The following KIAA0825 variants were observed in gnomAD, a reference collection of about 807,000 sequenced individuals.
KIAA0825 encodes uncharacterized protein KIAA0825.
Under a neutral mutation model 147.6 loss-of-function variants are expected in KIAA0825, and 119 were observed. The ratio of observed to expected loss-of-function variants is 0.81; its 90% CI spans 0.69 to 0.94. KIAA0825 has a LOEUF of 0.94. KIAA0825 is among the 40% of genes least tolerant of loss of function. The pLI is 0.00. For synonymous variants in KIAA0825, 470 were observed against 518.1 expected (o/e 0.91, Z 1.26); for missense variants, 1,381 against 1,472.7 (o/e 0.94, Z 1.02).
At chr5:94,269,860 A>T (rs954529767) in intron 20 of KIAA0825, among the ~76,000 whole-genome samples, 2 of 152,012 alleles carry the variant, frequency 1.3e-5, no homozygotes, top group African/African-American at 4.8e-5. Context: ...ATCAACAAAA[A>T]CTTGCTTTTT....
intron 20 of KIAA0825, among the ~76,000 whole-genome samples, chr5:94,281,296 T>TA (rs1451811300): frequency 6.6e-6 from 1 of 151,162 alleles, no homozygotes; most frequent in Non-Finnish European, 1.5e-5. Flanking sequence ...AGTATAGACA[T>TA]AAATAAGAAA....
At chr5:94,225,475 C>T (rs560696141) in intron 20 of KIAA0825, among the ~76,000 whole-genome samples, 17 of 152,238 alleles carry the variant, frequency 1.1e-4, no homozygotes, top group African/African-American at 2.2e-4. Context: ...CTAACGCCAA[C>T]GTAATGGTTA....
At chr5:94,323,216 T>TA (rs1203314230) in intron 20 of KIAA0825, among the ~76,000 whole-genome samples, 4 of 152,002 alleles carry the variant, frequency 2.6e-5, no homozygotes, top group African/African-American at 9.7e-5. Flanking sequence ...CAAATCATGA[T>TA]GCCATCTGGT....
chr5:94,346,444 C>A (rs1345965770), intron 20 of KIAA0825, among the ~76,000 whole-genome samples: 2 of 152,148 alleles, frequency 1.3e-5, no homozygotes, highest in African/African-American at 4.8e-5. Flanking sequence ...ACAGACCCTC[C>A]AAAGGAAGCA....
chr5:94,487,749 A>T (rs1156401418), intron 5 of KIAA0825, among the ~76,000 whole-genome samples: 1 of 152,148 alleles, frequency 6.6e-6, no homozygotes, highest in Non-Finnish European at 1.5e-5. Flanking sequence ...TCTGGGCAAC[A>T]TGGCAAACCC....
At chr5:94,456,186 C>T (rs974339961) in intron 12 of KIAA0825, among the ~76,000 whole-genome samples, 1 of 152,098 alleles carries the variant, frequency 6.6e-6, no homozygotes, top group Non-Finnish European at 1.5e-5. Flanking sequence ...TTTCTCATAG[C>T]CTCTGCCTAC....
At position 94,475,919 on chromosome 5, in the gene KIAA0825, ATC is replaced by A. The variant is rs1395917740; in HGVS notation, c.1227+1190_1227+1191del. Among the ~76,000 whole-genome samples the A allele has an allele frequency of 1.5e-4, 22 of 150,794 alleles. No homozygotes were observed. In the South Asian group the frequency reaches 3.0e-3, roughly 20 times the overall value. On this transcript the variant is annotated intron_variant, in intron 7 of 20. Coordinates refer to ENST00000682413, the MANE Select transcript of KIAA0825 (RefSeq NM_001145678.3). ...TAGTTTGCTTACTTCTACTCTTCTC[ATC>A]TAATATTTGGCATCATACATATTCC...
At chr5:94,245,910 C>G (rs547799636) in intron 20 of KIAA0825, among the ~76,000 whole-genome samples, 6,125 of 152,114 alleles carry the variant, frequency 0.04, 196 homozygotes, top group East Asian at 0.12. Flanking sequence ...TGTTTCTCAA[C>G]AGCCTGACTC....
chr5:94,594,043 T>G (rs1348741809), intron 1 of KIAA0825: 2 of 522,742 alleles, frequency 3.8e-6, no homozygotes, highest in African/African-American at 2.0e-5. Flanking sequence ...TTTTGGAACT[T>G]GCGTGCAACA....
intron 18 of KIAA0825, among the ~76,000 whole-genome samples, chr5:94,389,469 T>C (rs746987423): frequency 6.6e-6 from 1 of 152,176 alleles, no homozygotes; most frequent in Admixed American, 6.5e-5. Flanking sequence ...TTAACTATCA[T>C]GAGACATTTT....
chr5:94,501,156 T>C (rs1584700068), intron 5 of KIAA0825, among the ~76,000 whole-genome samples: 1 of 152,242 alleles, frequency 6.6e-6, no homozygotes, highest in Non-Finnish European at 1.5e-5. Flanking sequence ...TCATTGTGCA[T>C]TGATTTAAAA....
intron 20 of KIAA0825, among the ~76,000 whole-genome samples, chr5:94,304,067 T>A (rs1271081387): frequency 6.6e-6 from 1 of 152,036 alleles, no homozygotes; most frequent in Non-Finnish European, 1.5e-5. Flanking sequence ...TAAACCCCAC[T>A]TTTGCTTTAA....
intron 20 of KIAA0825, among the ~76,000 whole-genome samples, chr5:94,349,853 T>C (rs1783442055): frequency 6.6e-6 from 1 of 151,696 alleles, no homozygotes; most frequent in South Asian, 2.1e-4. Context: ...AAACTGACAC[T>C]CCAAGGTCAC....
At chr5:94,217,415 G>A (rs1003811497) in intron 20 of KIAA0825, among the ~76,000 whole-genome samples, 7 of 152,232 alleles carry the variant, frequency 4.6e-5, no homozygotes, top group African/African-American at 1.7e-4. Flanking sequence ...GAGAAGCCAC[G>A]AAGACTGAGG....
At chr5:94,219,498 T>C (rs1773501094) in intron 20 of KIAA0825, among the ~76,000 whole-genome samples, 2 of 152,136 alleles carry the variant, frequency 1.3e-5, no homozygotes, top group South Asian at 4.1e-4. Context: ...AATATTTAAA[T>C]ACAGTTACGT....
chr5:94,551,258 G>A (rs1001091514), intron 2 of KIAA0825, among the ~76,000 whole-genome samples: 3 of 151,906 alleles, frequency 2.0e-5, no homozygotes, highest in African/African-American at 4.8e-5. Context: ...GGGAGTTCCA[G>A]AAGGAAAAGA....
intron 1 of KIAA0825, among the ~76,000 whole-genome samples, chr5:94,610,372 G>C (rs1013348119): frequency 6.7e-6 from 1 of 149,986 alleles, no homozygotes; most frequent in Non-Finnish European, 1.5e-5. Flanking sequence ...AGTGAGCTGA[G>C]ATTGCGCCAC....
intron 20 of KIAA0825, among the ~76,000 whole-genome samples, chr5:94,336,711 G>A (rs1349529461): frequency 6.6e-5 from 10 of 151,994 alleles, no homozygotes; most frequent in Non-Finnish European, 7.4e-5. Flanking sequence ...GAATAGTGCC[G>A]CAGTAAGCAT....
At chr5:94,575,714 T>C (rs540741530) in intron 2 of KIAA0825, among the ~76,000 whole-genome samples, 102 of 152,340 alleles carry the variant, frequency 6.7e-4, no homozygotes, top group African/African-American at 2.3e-3. Flanking sequence ...GCAATGCATA[T>C]TTGATATCAA....
Sources: allele counts gnomAD v4.1 joint callset (sites outside exome capture counted in the v4.1 genomes callset), GRCh38; gene constraint gnomAD v4.1.1; transcripts MANE v1.5; gene names NCBI Gene and HGNC (gene_info 2026-07-23, HGNC 2026-07-21).